LCLAT1: variants seen among roughly 807,000 people sequenced by gnomAD.
The protein encoded by LCLAT1 is lysocardiolipin acyltransferase 1.
Under a neutral mutation model 30.7 loss-of-function variants are expected in LCLAT1, and 11 were observed. That is an observed-to-expected ratio of 0.36 (90% CI 0.23 to 0.59). The LOEUF is 0.59. Among genes scored for constraint, LCLAT1 ranks in the 20% least tolerant of loss-of-function variants. LCLAT1 has a pLI of 0.77. For missense variants in LCLAT1, 402 were observed against 458.6 expected, an observed-to-expected ratio of 0.88 and a Z score of 1.13; for synonymous variants, 155 against 151.3, an observed-to-expected ratio of 1.02 and a Z score of -0.18.
intron 3 of LCLAT1, among the ~76,000 whole-genome samples, chr2:30,556,367 G>A (rs1664919040): frequency 6.6e-6 from 1 of 152,112 alleles, no homozygotes; most frequent in South Asian, 2.1e-4. Flanking sequence ...ATGGGCCATA[G>A]CTTGCTCCTT....
At chr2:30,449,688 C>T (rs961031499) in intron 1 of LCLAT1, among the ~76,000 whole-genome samples, 3 of 151,800 alleles carry the variant, frequency 2.0e-5, no homozygotes, top group Non-Finnish European at 2.9e-5. Context: ...TTAGTAGAGA[C>T]GGGGTTTCTC....
At chr2:30,577,835 CTG>C (rs1666061123) in intron 5 of LCLAT1, among the ~76,000 whole-genome samples, 1 of 151,970 alleles carries the variant, frequency 6.6e-6, no homozygotes, top group Admixed American at 6.6e-5. Context: ...GCCATTATCT[CTG>C]TTGTTCATGC....
intron 5 of LCLAT1, chr2:30,607,079 G>A (rs946588089): frequency 1.3e-5 from 2 of 152,120 alleles, no homozygotes; most frequent in Non-Finnish European, 2.9e-5. Context: ...TAAAAGTCAT[G>A]AAACAACAGA....
intron 1 of LCLAT1, among the ~76,000 whole-genome samples, chr2:30,492,125 C>CT (rs1330206287): frequency 6.6e-6 from 1 of 152,082 alleles, no homozygotes; most frequent in Non-Finnish European, 1.5e-5. Context: ...TGGCTACCCA[C>CT]TAGGTGAGGA....
At chr2:30,538,342 AAG>A (rs1410762519) in intron 3 of LCLAT1, among the ~76,000 whole-genome samples, 2 of 152,204 alleles carry the variant, frequency 1.3e-5, no homozygotes, top group Admixed American at 1.3e-4. Context: ...CTAAGTAACA[AAG>A]AGAGACGATG....
At chr2:30,562,597 G>A (rs1665286113) in intron 4 of LCLAT1, among the ~76,000 whole-genome samples, 1 of 152,114 alleles carries the variant, frequency 6.6e-6, no homozygotes, top group Admixed American at 6.5e-5. Flanking sequence ...AGAACTCTTG[G>A]TTTCTAGCCC....
At chr2:30,606,059 A>T (rs1433550903) in intron 5 of LCLAT1, 2 of 1,287,088 alleles carry the variant, frequency 1.6e-6, no homozygotes. Flanking sequence ...TTCAAGGAGA[A>T]CTACAAATCA....
chr2:30,594,325 C>T (rs1666826909), intron 5 of LCLAT1, among the ~76,000 whole-genome samples: 1 of 152,062 alleles, frequency 6.6e-6, no homozygotes, highest in South Asian at 2.1e-4. Context: ...AAACGTATAG[C>T]AAAGTTCAAA....
At chr2:30,495,780 G>A (rs868074820) in intron 1 of LCLAT1, among the ~76,000 whole-genome samples, 1 of 152,034 alleles carries the variant, frequency 6.6e-6, no homozygotes, top group Non-Finnish European at 1.5e-5. Context: ...GCAGTCAGTA[G>A]GTATCAAACT....
At chr2:30,548,590 T>G (rs1275427443) in intron 3 of LCLAT1, among the ~76,000 whole-genome samples, 1 of 152,140 alleles carries the variant, frequency 6.6e-6, no homozygotes, top group African/African-American at 2.4e-5. Flanking sequence ...ATAGCAAACT[T>G]CAGAGAGAGA....
chr2:30,528,650 T>G (rs1685846259), intron 2 of LCLAT1, among the ~76,000 whole-genome samples: 1 of 152,230 alleles, frequency 6.6e-6, no homozygotes. Flanking sequence ...TCTTTTGAGA[T>G]GCACCATCCT....
chr2:30,500,974 G>GC (rs1572533030), intron 1 of LCLAT1, among the ~76,000 whole-genome samples: 1 of 151,914 alleles, frequency 6.6e-6, no homozygotes, highest in Non-Finnish European at 1.5e-5. Context: ...TGAGACACCA[G>GC]CCCCTTCACC....
intron 2 of LCLAT1, among the ~76,000 whole-genome samples, chr2:30,531,533 G>A (rs1190017129): frequency 6.6e-6 from 1 of 152,108 alleles, no homozygotes; most frequent in Admixed American, 6.5e-5. Flanking sequence ...ACCTCTTGGA[G>A]GCCATCGTTC....
chr2:30,619,099 A>G (rs560354445), intron 5 of LCLAT1, among the ~76,000 whole-genome samples: 1 of 152,296 alleles, frequency 6.6e-6, no homozygotes, highest in African/African-American at 2.4e-5. Context: ...TTTTTCAAAC[A>G]CATCTTCCTA....
intron 5 of LCLAT1, among the ~76,000 whole-genome samples, chr2:30,576,409 C>T (rs1245906870): frequency 6.6e-6 from 1 of 152,114 alleles, no homozygotes; most frequent in Non-Finnish European, 1.5e-5. Flanking sequence ...ATACTATTTA[C>T]TCATTGTGTG....
At chr2:30,480,936 G>A (rs1683288987) in intron 1 of LCLAT1, among the ~76,000 whole-genome samples, 1 of 152,204 alleles carries the variant, frequency 6.6e-6, no homozygotes, top group South Asian at 2.1e-4. Context: ...TGTAATGAGA[G>A]CCATAAACGA....
rs368233718 is a variant in LCLAT1, at chr2:30,489,585, C to G, written c.-4-36002C>G. On this transcript the variant is annotated intron_variant, in intron 1 of 5. Transcript: ENST00000379509. Reference sequence around the variant, plus strand: ...GCCAGGATGGTCTCGATCTCCTGACCTCGTGATCTGCCCGCCTTGGCCTCC... The same window carrying G: ...GCCAGGATGGTCTCGATCTCCTGACGTCGTGATCTGCCCGCCTTGGCCTCC... 3.3e-5 allele frequency among the ~76,000 whole-genome samples: 5 copies of G among 152,330 alleles called. No homozygotes were observed. In the East Asian group the frequency reaches 9.7e-4, roughly 29 times the overall value.
chr2:30,553,402 ATGG>A (rs1441045253), intron 3 of LCLAT1, among the ~76,000 whole-genome samples: 30 of 152,324 alleles, frequency 2.0e-4, no homozygotes, highest in Admixed American at 1.8e-3. Flanking sequence ...TAGAAAGAAG[ATGG>A]TGGTAGTGGA....
At position 30,641,241 on chromosome 2, in the gene LCLAT1, C is replaced by T. The variant is rs1669289699; in HGVS notation, c.*622C>T. The T allele has an allele frequency of 3.3e-5, 5 of 152,152 alleles. No individual in the cohort carries two copies. Among genetic ancestry groups the T allele is most frequent in the Non-Finnish European group, 5.9e-5 (4 of 68,054 alleles). The allele number at this position is 152,152 out of a possible 1,614,324, so 9.4% of individuals were successfully genotyped here. A position where few individuals can be genotyped will look rare whatever the true frequency, so the allele number is the denominator to read the frequency against. On this transcript the variant is annotated 3_prime_UTR_variant, in exon 6 of 6. Coordinates refer to ENST00000379509, the MANE Select transcript of LCLAT1 (RefSeq NM_001002257.3). Reference sequence around the variant, plus strand: ...GAAGACCACCTGTGCCCTTTTCTCTCGTGGAAGATAAAACCTGGACTCAGG... The same window carrying T: ...GAAGACCACCTGTGCCCTTTTCTCTTGTGGAAGATAAAACCTGGACTCAGG...
Sources: allele counts gnomAD v4.1 joint callset (sites outside exome capture counted in the v4.1 genomes callset), GRCh38; gene constraint gnomAD v4.1.1; transcripts MANE v1.5; gene names NCBI Gene and HGNC (gene_info 2026-07-23, HGNC 2026-07-21).